The following VEGFC variants were observed in gnomAD, a reference collection of about 807,000 sequenced individuals.
The protein encoded by VEGFC is FLT4 ligand DHM.
VEGFC carries 12 observed loss-of-function variants against 46.1 expected under a neutral mutation model. The observed-to-expected ratio is 0.26, with a 90% confidence interval of 0.17 to 0.42. VEGFC has a LOEUF of 0.42. Among genes scored for constraint, VEGFC ranks in the 10% least tolerant of loss-of-function variants. The pLI is 1.00. For missense variants in VEGFC, 488 were observed against 529.4 expected, an observed-to-expected ratio of 0.92 and a Z score of 0.77; for synonymous variants, 232 against 195.5, an observed-to-expected ratio of 1.19 and a Z score of -1.56.
chr4:176,756,791 A>G (rs1735439863), intron 1 of VEGFC, among the ~76,000 whole-genome samples: 1 of 152,054 alleles, frequency 6.6e-6, no homozygotes, highest in Admixed American at 6.6e-5. Context: ...AGCAAGAAAA[A>G]GATAGGACAA....
At chr4:176,701,854 G>A (rs773946481) in intron 4 of VEGFC, among the ~76,000 whole-genome samples, 20 of 152,266 alleles carry the variant, frequency 1.3e-4, no homozygotes, top group African/African-American at 3.1e-4. Context: ...GATCTAGTAC[G>A]AGACTGTGGT....
chr4:176,749,829 T>C (rs910392494), intron 1 of VEGFC, among the ~76,000 whole-genome samples: 1 of 151,746 alleles, frequency 6.6e-6, no homozygotes, highest in Non-Finnish European at 1.5e-5. Context: ...TGTAATAACA[T>C]AGTTAAGTAG....
chr4:176,779,716 G>C (rs1735875275), intron 1 of VEGFC, among the ~76,000 whole-genome samples: 1 of 122,804 alleles, frequency 8.1e-6, no homozygotes, highest in Non-Finnish European at 1.9e-5. Context: ...GCTAATGTCA[G>C]TGCGAAAGCA....
intron 4 of VEGFC, 82 bp downstream of exon 4, chr4:176,711,417 T>A: frequency 6.9e-7 from 1 of 1,442,404 alleles, no homozygotes; most frequent in South Asian, 1.5e-5. Context: ...TTCACAGAGG[T>A]TATTTGTTTA....
chr4:176,725,985 T>G (rs938669126), intron 3 of VEGFC, among the ~76,000 whole-genome samples: 13 of 152,130 alleles, frequency 8.5e-5, no homozygotes, highest in African/African-American at 2.9e-4. Context: ...GATTTCAGGG[T>G]TATGATAAAA....
At chr4:176,765,984 A>G (rs1735615663) in intron 1 of VEGFC, among the ~76,000 whole-genome samples, 1 of 152,186 alleles carries the variant, frequency 6.6e-6, no homozygotes, top group African/African-American at 2.4e-5. Flanking sequence ...TAGAAAATAA[A>G]TGCCAACCTA....
At position 176,724,536 on chromosome 4, in the gene VEGFC, G is replaced by C. The variant is rs569878716; in HGVS notation, c.552+3242C>G. Among the ~76,000 whole-genome samples the C allele has an allele frequency of 4.6e-5, 7 of 152,218 alleles. No individual in the cohort carries two copies. The East Asian group carries it at 1.2e-3, about 25-fold the overall frequency. ...CTATAAAGCATTTACTACAAATATT[G>C]GGTCTAATCCAAATAGGTCAGAAAG... is the stretch of plus-strand genomic sequence containing the variant. On this transcript the variant is annotated intron_variant, in intron 3 of 6. Transcript: ENST00000618562.
At chr4:176,740,707 A>T (rs1385173670) in intron 1 of VEGFC, among the ~76,000 whole-genome samples, 1 of 151,386 alleles carries the variant, frequency 6.6e-6, no homozygotes, top group Non-Finnish European at 1.5e-5. Flanking sequence ...TACTATTCAG[A>T]AGAAAACACT....
intron 4 of VEGFC, among the ~76,000 whole-genome samples, chr4:176,694,950 T>C (rs1734280980): frequency 7.0e-6 from 1 of 141,880 alleles, no homozygotes; most frequent in African/African-American, 2.8e-5. Context: ...AGACACAACA[T>C]ACCAGAATCT....
intron 1 of VEGFC, among the ~76,000 whole-genome samples, chr4:176,768,491 C>CACATAT (rs1553996843): frequency 9.9e-6 from 1 of 100,536 alleles, no homozygotes. Context: ...ATGTTTTATA[C>CACATAT]ATATATATAT....
chr4:176,735,324 T>G (rs1234167610), intron 1 of VEGFC, among the ~76,000 whole-genome samples: 3 of 151,952 alleles, frequency 2.0e-5, no homozygotes, highest in Non-Finnish European at 4.4e-5. Flanking sequence ...ACTTTGCTTA[T>G]CATTATTTCA....
chr4:176,691,468 C>CCACA (rs199856058), intron 4 of VEGFC, among the ~76,000 whole-genome samples: 1 of 151,280 alleles, frequency 6.6e-6, no homozygotes, highest in Non-Finnish European at 1.5e-5. Flanking sequence ...ACCGACCCCA[C>CCACA]CACACACACA....
At chr4:176,698,084 T>A (rs1310010075) in intron 4 of VEGFC, among the ~76,000 whole-genome samples, 1 of 151,744 alleles carries the variant, frequency 6.6e-6, no homozygotes, top group Non-Finnish European at 1.5e-5. Context: ...TGTATACATA[T>A]GTAACTAACC....
chr4:176,699,824 T>G (rs1337203571), intron 4 of VEGFC, among the ~76,000 whole-genome samples: 1 of 152,216 alleles, frequency 6.6e-6, no homozygotes, highest in African/African-American at 2.4e-5. Context: ...ATTTTAGGTT[T>G]TATATAAATT....
intron 1 of VEGFC, among the ~76,000 whole-genome samples, chr4:176,768,877 C>T (rs1735677214): frequency 6.6e-6 from 1 of 152,100 alleles, no homozygotes; most frequent in Non-Finnish European, 1.5e-5. Context: ...TAAGCTCTCT[C>T]CTCTTTCCTG....
chr4:176,703,793 A>G (rs930724315), intron 4 of VEGFC, among the ~76,000 whole-genome samples: 5 of 152,122 alleles, frequency 3.3e-5, no homozygotes, highest in African/African-American at 1.2e-4. Context: ...AGTCATAGCC[A>G]CACCTCAAAA....
chr4:176,718,406 A>C (rs934515742), intron 3 of VEGFC, among the ~76,000 whole-genome samples: 1 of 152,160 alleles, frequency 6.6e-6, no homozygotes, highest in Non-Finnish European at 1.5e-5. Flanking sequence ...ATATAGTTGC[A>C]TATTTTACTT....
At chr4:176,752,436 G>A (rs551016188) in intron 1 of VEGFC, among the ~76,000 whole-genome samples, 3 of 151,978 alleles carry the variant, frequency 2.0e-5, no homozygotes, top group African/African-American at 4.8e-5. Context: ...GACTCCAAAC[G>A]TTCTAAGGTT....
chr4:176,783,990 T>C (rs117841457), intron 1 of VEGFC, among the ~76,000 whole-genome samples: 1,538 of 152,156 alleles, frequency 0.01, 72 homozygotes, highest in Admixed American at 0.08. Context: ...AGACTATCTA[T>C]TTAACACAAA....
Sources: allele counts gnomAD v4.1 joint callset (sites outside exome capture counted in the v4.1 genomes callset), GRCh38; gene constraint gnomAD v4.1.1; transcripts MANE v1.5; gene names NCBI Gene and HGNC (gene_info 2026-07-23, HGNC 2026-07-21).